Variants in EXOC6B observed in about 807,000 individuals in gnomAD.
EXOC6B encodes SEC15 homolog B.
In EXOC6B, 54 loss-of-function variants were observed where a neutral mutation model predicts 113.5. The observed-to-expected ratio is 0.48, with a 90% CI of 0.38 to 0.60. The LOEUF is 0.60. Among genes scored for constraint, EXOC6B ranks in the 20% least tolerant of loss-of-function variants. EXOC6B has a pLI of 0.00. For synonymous variants in EXOC6B, 357 were observed against 339.0 expected, an observed-to-expected ratio of 1.05 and a Z score of -0.58; for missense variants, 797 against 977.5, an observed-to-expected ratio of 0.82 and a Z score of 2.46.
chr2:72,374,867 C>G (rs924715623), intron 19 of EXOC6B, among the ~76,000 whole-genome samples: 3 of 148,964 alleles, frequency 2.0e-5, no homozygotes, highest in African/African-American at 7.5e-5. Flanking sequence ...CCTAACCAAC[C>G]CAATTAAAAA....
chr2:72,457,117 G>C (rs1380693487), intron 18 of EXOC6B, among the ~76,000 whole-genome samples: 1 of 151,892 alleles, frequency 6.6e-6, no homozygotes, highest in Admixed American at 6.6e-5. Flanking sequence ...CAGAGACAGA[G>C]ACAGAAAAAA....
intron 1 of EXOC6B, among the ~76,000 whole-genome samples, chr2:72,757,589 G>A (rs1000375515): frequency 6.6e-6 from 1 of 152,146 alleles, no homozygotes; most frequent in Admixed American, 6.6e-5. Context: ...AAAATTTCCA[G>A]TTTGTCCCAG....
chr2:72,305,857 C>G (rs1235761450), intron 20 of EXOC6B, among the ~76,000 whole-genome samples: 1 of 152,166 alleles, frequency 6.6e-6, no homozygotes, highest in Non-Finnish European at 1.5e-5. Flanking sequence ...ACTGTGAACA[C>G]TAGCTAATTA....
intron 18 of EXOC6B, among the ~76,000 whole-genome samples, chr2:72,433,833 A>G (rs186633470): frequency 6.6e-6 from 1 of 152,294 alleles, no homozygotes; most frequent in Non-Finnish European, 1.5e-5. Context: ...TAAATATACA[A>G]TCATGACATC....
intron 17 of EXOC6B, among the ~76,000 whole-genome samples, chr2:72,479,299 T>C (rs1320748485): frequency 6.6e-6 from 1 of 152,332 alleles, no homozygotes; most frequent in East Asian, 1.9e-4. Context: ...TTCAACATTG[T>C]GTTTTTTTCA....
At chr2:72,422,573 G>A (rs1426132355) in intron 18 of EXOC6B, among the ~76,000 whole-genome samples, 1 of 150,898 alleles carries the variant, frequency 6.6e-6, no homozygotes, top group Non-Finnish European at 1.5e-5. Flanking sequence ...CTAGCTCAGG[G>A]ATTGTAAATA....
chr2:72,771,325 T>C (rs1558989144), intron 1 of EXOC6B, among the ~76,000 whole-genome samples: 1 of 152,230 alleles, frequency 6.6e-6, no homozygotes. Flanking sequence ...TTTTGCCATA[T>C]TTGTTTTATC....
chr2:72,682,144 A>T lies in EXOC6B; in HGVS notation c.669+35959T>A, dbSNP rs149814091. On this transcript the variant is annotated intron_variant, in intron 6 of 21. Transcript: ENST00000272427. The stretch of plus-strand genomic sequence containing the variant: ...CCCCACCATAAGGTGGGCAAAACAC[A>T]TGGCCAAATAAAAAAGGTGCCAGAA... Among the ~76,000 whole-genome samples, 844 of 152,098 alleles carry T rather than the reference A, an allele frequency of 5.5e-3. 7 individuals carry two copies. Among genetic ancestry groups the T allele is most frequent in the African/African-American group, 0.02 (817 of 41,546 alleles).
At chr2:72,370,632 G>A (rs919629286) in intron 19 of EXOC6B, among the ~76,000 whole-genome samples, 3 of 152,084 alleles carry the variant, frequency 2.0e-5, no homozygotes, top group East Asian at 1.9e-4. Context: ...ACAATGATAG[G>A]CTGGATCAAG....
rs568051375 is a variant in EXOC6B at position 72,728,648 on chromosome 2, A to C, written c.464+2359T>G. Among the ~76,000 whole-genome samples, 220 of 152,314 alleles carry C rather than the reference A, an allele frequency of 1.4e-3. 1 individual carries two copies. The highest frequency in any genetic ancestry group is 4.8e-3 in the African/African-American group (200 of 41,564). On this transcript the variant is annotated intron_variant, in intron 5 of 21. Coordinates refer to ENST00000272427, the MANE Select transcript of EXOC6B (RefSeq NM_015189.3). ...ATCTTGGAGTTGCCATTTTTCAAGAACAAGGGAAAATAAGAGAACTCTGGA... is the reference window on the plus strand; with the variant it reads ...ATCTTGGAGTTGCCATTTTTCAAGACCAAGGGAAAATAAGAGAACTCTGGA...
At chr2:72,442,966 TC>T (rs1216863001) in intron 18 of EXOC6B, among the ~76,000 whole-genome samples, 1 of 152,128 alleles carries the variant, frequency 6.6e-6, no homozygotes, top group African/African-American at 2.4e-5. Flanking sequence ...GCTGGCAGCA[TC>T]ATGCTACCAA....
rs186582642 is a variant in EXOC6B at position 72,451,548 on chromosome 2, A to G, written c.1980+13612T>C. On this transcript the variant is annotated intron_variant, in intron 18 of 21. Transcript: ENST00000272427. ...GCAATAAGATAATCCTACATGACAT[A>G]AAAATAACAAGTGGATGTCCTTAAC... 3.1e-4 allele frequency among the ~76,000 whole-genome samples: 47 copies of G among 152,324 alleles called. No homozygotes were observed. The East Asian group carries it at 8.5e-3, about 27-fold the overall frequency.
rs145566783 is a variant in EXOC6B, at chr2:72,735,442, G to A, written c.280-2324C>T. 7.1e-3 allele frequency among the ~76,000 whole-genome samples: 1,074 copies of A among 152,188 alleles called. 10 individuals carry two copies. The highest frequency in any genetic ancestry group is 9.6e-3 in the Non-Finnish European group (656 of 68,008). On this transcript the variant is annotated intron_variant, in intron 2 of 21. Coordinates refer to ENST00000272427, the MANE Select transcript of EXOC6B (RefSeq NM_015189.3). ...GTTTTTGTCAAAAATACTGATCAAGGCACACTAAATTAATTTCATGCAAAC... is the reference window on the plus strand; with the variant it reads ...GTTTTTGTCAAAAATACTGATCAAGACACACTAAATTAATTTCATGCAAAC...
chr2:72,558,786 G>A (rs952284728), intron 8 of EXOC6B, among the ~76,000 whole-genome samples: 16 of 151,384 alleles, frequency 1.1e-4, no homozygotes, highest in Non-Finnish European at 1.6e-4. Flanking sequence ...AAAAAAAAAA[G>A]ATATATATAT....
intron 20 of EXOC6B, among the ~76,000 whole-genome samples, chr2:72,328,761 T>A (rs1258458097): frequency 6.6e-6 from 1 of 152,154 alleles, no homozygotes; most frequent in African/African-American, 2.4e-5. Context: ...CTTTGGGATA[T>A]GATGACCCTG....
At chr2:72,615,575 G>A (rs1353783443) in intron 6 of EXOC6B, among the ~76,000 whole-genome samples, 2 of 143,530 alleles carry the variant, frequency 1.4e-5, no homozygotes, top group African/African-American at 5.1e-5. Flanking sequence ...CACGTTTGCG[G>A]TAATGCTGAT....
intron 19 of EXOC6B, among the ~76,000 whole-genome samples, chr2:72,345,925 G>GTA (rs1203690912): frequency 6.6e-6 from 1 of 152,076 alleles, no homozygotes; most frequent in Non-Finnish European, 1.5e-5. Flanking sequence ...TATACATGTG[G>GTA]TAGAGCAGGG....
intron 18 of EXOC6B, among the ~76,000 whole-genome samples, chr2:72,443,332 A>AG (rs1696344461): frequency 6.6e-6 from 1 of 151,686 alleles, no homozygotes; most frequent in African/African-American, 2.4e-5. Flanking sequence ...AAAAAAAAAA[A>AG]AAAAAGAAAG....
At position 72,514,591 on chromosome 2, in the gene EXOC6B, TAA is replaced by T. The variant is rs763622147; in HGVS notation, c.1046+41_1046+42del. On this transcript the variant is annotated intron_variant, in intron 10 of 21. Transcript: ENST00000272427. The stretch of plus-strand genomic sequence containing the variant: ...GTATAAATTTCAATAAATAAATAAA[TAA>T]ATAAATAAATAAATATATATATATA... 6 of 238,948 alleles carry T rather than the reference TAA, an allele frequency of 2.5e-5. No individual in the cohort carries two copies. In the South Asian group the frequency reaches 3.2e-4, roughly 13 times the overall value. The allele number at this position is 238,948 out of a possible 1,614,324, so 14.8% of individuals were successfully genotyped here.
Sources: allele counts gnomAD v4.1 joint callset (sites outside exome capture counted in the v4.1 genomes callset), GRCh38; gene constraint gnomAD v4.1.1; transcripts MANE v1.5; gene names NCBI Gene and HGNC (gene_info 2026-07-23, HGNC 2026-07-21).